Variants in TTC3 observed in about 807,000 individuals in gnomAD.
TTC3 encodes tetratricopeptide repeat domain 3.
Under a neutral mutation model 249.6 loss-of-function variants are expected in TTC3, and 180 were observed. The observed-to-expected ratio is 0.72, with a 90% CI of 0.64 to 0.82. The LOEUF is 0.82. TTC3 is among the 40% of genes least tolerant of loss of function. The pLI, the probability that TTC3 is intolerant of heterozygous loss-of-function variation, is 0.00. For missense variants in TTC3, 2,061 were observed against 2,398.4 expected, an observed-to-expected ratio of 0.86 and a Z score of 2.94; for synonymous variants, 717 against 805.0, an observed-to-expected ratio of 0.89 and a Z score of 1.85.
At chr21:37,168,972 G>A (rs2081489216) in intron 34 of TTC3, among the ~76,000 whole-genome samples, 1 of 152,172 alleles carries the variant, frequency 6.6e-6, no homozygotes, top group Non-Finnish European at 1.5e-5. Flanking sequence ...TCAGTTCCTT[G>A]CCTTGTGGAC....
intron 41 of TTC3, chr21:37,194,518 G>C (rs1468079792): frequency 6.6e-6 from 1 of 152,088 alleles, no homozygotes. Context: ...CAAAGCATGG[G>C]AGTAATGATG....
intron 15 of TTC3, 77 bp downstream of exon 15, chr21:37,126,220 A>G (rs1253521152): frequency 7.5e-7 from 1 of 1,341,442 alleles, no homozygotes. Context: ...CAATGTGCAC[A>G]AGCCTTGCTT....
intron 27 of TTC3, among the ~76,000 whole-genome samples, chr21:37,156,409 G>A (rs1370991579): frequency 6.6e-6 from 1 of 152,142 alleles, no homozygotes; most frequent in Non-Finnish European, 1.5e-5. Context: ...AACTATGATA[G>A]TAGAAGGCTT....
intron 10 of TTC3, among the ~76,000 whole-genome samples, chr21:37,105,835 T>C (rs996902144): frequency 7.2e-5 from 11 of 152,268 alleles, no homozygotes; most frequent in African/African-American, 2.7e-4. Flanking sequence ...ATCTATTGCA[T>C]GAATATACCA....
At chr21:37,192,091 C>T in intron 40 of TTC3, 21 bp from the exon 41 acceptor site, 1 of 1,492,284 alleles carries the variant, frequency 6.7e-7, no homozygotes, top group Non-Finnish European at 9.2e-7. Flanking sequence ...GGTTTTCCCA[C>T]ACTTTACTTT....
chr21:37,085,148 T>G (rs2072277149), intron 1 of TTC3, among the ~76,000 whole-genome samples: 1 of 152,220 alleles, frequency 6.6e-6, no homozygotes, highest in African/African-American at 2.4e-5. Flanking sequence ...TTAATTGTAT[T>G]GTAATTGATG....
At chr21:37,166,208 C>T (rs373386838) in exon 33 of TTC3, 6 of 1,614,068 alleles carry the variant, frequency 3.7e-6, no homozygotes, top group Non-Finnish European at 5.1e-6. Context: ...CACCCAGACA[C>T]CGCCAGCATA....
chr21:37,200,171 A>G lies in TTC3; in HGVS notation c.5851-61A>G, dbSNP rs374696425. Reference sequence around the variant, plus strand: ...TGTTTGAAGGCCACTTGAAGGAAGAACTCGTGTCATAAAAACAACTGTAGT... The same window carrying G: ...TGTTTGAAGGCCACTTGAAGGAAGAGCTCGTGTCATAAAAACAACTGTAGT... On this transcript the variant is annotated intron_variant, in intron 44 of 45. Transcript: ENST00000355666. 2.8e-4 allele frequency: 431 copies of G among 1,513,668 alleles called. 4 individuals are homozygous for G. The East Asian group carries it at 4.1e-3, about 14-fold the overall frequency. 93.8% of individuals were successfully genotyped at this position (1,513,668 alleles called of 1,614,324 possible).
chr21:37,178,662 CT>C (rs746175413), intron 35 of TTC3, among the ~76,000 whole-genome samples: 1 of 152,090 alleles, frequency 6.6e-6, no homozygotes, highest in African/African-American at 2.4e-5. Context: ...CTATTATTGA[CT>C]TATAAGAGTT....
exon 33 of TTC3, chr21:37,165,980 C>A (rs754928051): frequency 1.6e-5 from 26 of 1,614,178 alleles, no homozygotes; most frequent in Non-Finnish European, 2.2e-5. Flanking sequence ...GAAGGCCAAA[C>A]CAGTATCCGA....
chr21:37,187,188 T>G (rs1282269687), intron 38 of TTC3, 43 bp downstream of exon 38: 1 of 1,416,854 alleles, frequency 7.1e-7, no homozygotes, highest in Non-Finnish European at 9.7e-7. Context: ...ATTTGTCATT[T>G]GTTTTTGTGT....
At chr21:37,082,897 C>G (rs1361338420) in intron 1 of TTC3, 6 of 978,576 alleles carry the variant, frequency 6.1e-6, no homozygotes, top group South Asian at 9.5e-5. Flanking sequence ...CTTGGTGATA[C>G]CAACATTTCC....
intron 11 of TTC3, among the ~76,000 whole-genome samples, chr21:37,115,406 CA>C (rs1223965111): frequency 1.3e-5 from 2 of 152,002 alleles, no homozygotes; most frequent in African/African-American, 4.8e-5. Flanking sequence ...TGTGTAGTAA[CA>C]GGAAGCCCCA....
In TTC3 at chr21:37,116,296, C is replaced by T. The variant is rs182965152; in HGVS notation, c.901-5521C>T. Among the ~76,000 whole-genome samples, 40 of 152,106 alleles carry T rather than the reference C, an allele frequency of 2.6e-4. No homozygotes were observed. In the East Asian group the frequency reaches 5.4e-3, roughly 21 times the overall value. ...AAACATAGGCTGGAAAAATATCTAT[C>T]GAGTTCATGATAGTGTTTGCTTCTG... On this transcript the variant is annotated intron_variant, in intron 11 of 45. Transcript: ENST00000355666.
intron 1 of TTC3, among the ~76,000 whole-genome samples, chr21:37,076,635 G>A (rs1365445514): frequency 2.7e-5 from 4 of 148,792 alleles, no homozygotes; most frequent in Admixed American, 6.8e-5. Context: ...ACAGGTTCTT[G>A]TGGAATCTTA....
At position 37,195,624 on chromosome 21, in the gene TTC3, A is replaced by T. The variant is rs751389503; in HGVS notation, c.5218-51A>T. ...ATCGGCCTTTGTCCTTGGGCGTTTC[A>T]TCCTTCAAGGGAAGCCCTAAGTGAT... On this transcript the variant is annotated intron_variant, in intron 41 of 45. Coordinates refer to ENST00000355666, the Ensembl canonical transcript of TTC3. 7 of 1,532,100 alleles carry T rather than the reference A, an allele frequency of 4.6e-6. No individual in the cohort carries two copies. In the South Asian group the frequency reaches 9.1e-5, roughly 20 times the overall value. 94.9% of individuals were successfully genotyped at this position (1,532,100 alleles called of 1,614,324 possible).
intron 18 of TTC3, among the ~76,000 whole-genome samples, chr21:37,136,449 G>A (rs758930680): frequency 1.4e-4 from 21 of 152,186 alleles, no homozygotes; most frequent in African/African-American, 3.9e-4. Flanking sequence ...CTTTCTTGCC[G>A]ATGCAGAGAG....
intron 25 of TTC3, among the ~76,000 whole-genome samples, chr21:37,151,279 A>G (rs528112008): frequency 7.9e-5 from 12 of 152,120 alleles, no homozygotes; most frequent in African/African-American, 2.6e-4. Flanking sequence ...ACCTATGACT[A>G]TTTTTTACCC....
intron 35 of TTC3, among the ~76,000 whole-genome samples, chr21:37,177,435 A>G (rs933313129): frequency 6.6e-6 from 1 of 152,150 alleles, no homozygotes; most frequent in South Asian, 2.1e-4. Context: ...TGAAGGATGG[A>G]GCTATGAATG....
Sources: gnomAD v4.1 joint callset for allele counts (sites outside exome capture counted in the v4.1 genomes callset) on GRCh38, gnomAD v4.1.1 for gene constraint, MANE v1.5 for transcripts, NCBI Gene and HGNC (gene_info 2026-07-23, HGNC 2026-07-21) for gene names.